The following MGAT5 variants were observed in gnomAD, a reference collection of about 807,000 sequenced individuals.
MGAT5 encodes the protein alpha-1,6-mannosylglycoprotein 6-beta-N-acetylglucosaminyltransferase, also known as alpha-1,6-mannosylglycoprotein 6-beta-N-acetylglucosaminyltransferase A.
In MGAT5, 30 loss-of-function variants were observed where a neutral mutation model predicts 94.3. The ratio of observed to expected loss-of-function variants is 0.32; its 90% CI spans 0.24 to 0.43. The LOEUF (loss-of-function observed/expected upper bound fraction) is 0.43. Among genes scored for constraint, MGAT5 ranks in the 20% least tolerant of loss-of-function variants. The pLI, the probability that MGAT5 is intolerant of heterozygous loss-of-function variation, is 1.00. For missense variants in MGAT5, 691 were observed against 905.5 expected (o/e 0.76, Z 3.04); for synonymous variants, 310 against 322.9 (o/e 0.96, Z 0.43).
rs193279413 is a variant in MGAT5, at chr2:134,177,060, C to A, written c.-143+56769C>A. On this transcript the variant is annotated intron_variant, in intron 1 of 16. Coordinates refer to the MGAT5 transcript ENST00000409645. ...CATGCTGCAGTTATCTCATATACCCCCTCAGCCACCATGACCAGATATCTG... is the reference window on the plus strand; with the variant it reads ...CATGCTGCAGTTATCTCATATACCCACTCAGCCACCATGACCAGATATCTG... 8.8e-4 allele frequency among the ~76,000 whole-genome samples: 129 copies of A among 146,832 alleles called. 2 individuals are homozygous for A. The highest frequency in any genetic ancestry group is 2.8e-4 in the Non-Finnish European group (19 of 67,922).
intron 1 of MGAT5, among the ~76,000 whole-genome samples, chr2:134,134,289 C>G (rs1481411873): frequency 6.6e-6 from 1 of 152,086 alleles, no homozygotes; most frequent in Non-Finnish European, 1.5e-5. Flanking sequence ...AAAGATTCTT[C>G]TGGGTGCTAG....
intron 1 of MGAT5, among the ~76,000 whole-genome samples, chr2:134,185,798 C>T (rs2105196746): frequency 6.6e-6 from 1 of 152,292 alleles, no homozygotes; most frequent in Middle Eastern, 3.4e-3. Flanking sequence ...AAGGAAAAAT[C>T]CAGACCTTGT....
chr2:134,408,426 T>G (rs1683465166), intron 11 of MGAT5, among the ~76,000 whole-genome samples: 1 of 152,186 alleles, frequency 6.6e-6, no homozygotes, highest in South Asian at 2.1e-4. Flanking sequence ...ATGCTGTTGT[T>G]TGTGGTTTGG....
chr2:134,262,753 TG>T (rs1683416796), intron 1 of MGAT5, among the ~76,000 whole-genome samples: 1 of 152,240 alleles, frequency 6.6e-6, no homozygotes, highest in Admixed American at 6.5e-5. Context: ...TACCTGCATC[TG>T]TTACCACCCA....
chr2:134,137,714 G>A (rs551277635), intron 1 of MGAT5, among the ~76,000 whole-genome samples: 11 of 152,052 alleles, frequency 7.2e-5, no homozygotes, highest in Non-Finnish European at 1.2e-4. Flanking sequence ...AAATATTAAC[G>A]CTGAAGCTTG....
At chr2:134,387,339 T>A (rs1443665999) in intron 10 of MGAT5, among the ~76,000 whole-genome samples, 38 of 122,414 alleles carry the variant, frequency 3.1e-4, no homozygotes, top group Non-Finnish European at 5.4e-4. Context: ...TATATTTTTT[T>A]TTTTTTTTTT....
intron 14 of MGAT5, among the ~76,000 whole-genome samples, chr2:134,437,789 C>T (rs1051090602): frequency 3.3e-5 from 5 of 152,072 alleles, no homozygotes; most frequent in African/African-American, 7.2e-5. Context: ...CTGAGGCAAG[C>T]GAATCCCCTG....
At chr2:134,389,043 C>T (rs968674401) in intron 10 of MGAT5, among the ~76,000 whole-genome samples, 3 of 151,896 alleles carry the variant, frequency 2.0e-5, no homozygotes, top group Non-Finnish European at 4.4e-5. Context: ...TTGGCCTCCC[C>T]AAGTGCCTGA....
At chr2:134,154,052 G>A (rs914439868) in intron 1 of MGAT5, among the ~76,000 whole-genome samples, 1 of 152,032 alleles carries the variant, frequency 6.6e-6, no homozygotes, top group Non-Finnish European at 1.5e-5. Flanking sequence ...AAAACAAGAG[G>A]TACTTAATTT....
intron 2 of MGAT5, among the ~76,000 whole-genome samples, chr2:134,314,477 TA>T (rs1348371610): frequency 6.6e-6 from 1 of 152,122 alleles, no homozygotes; most frequent in East Asian, 1.9e-4. Context: ...AGATGGCACT[TA>T]GTGTCTGGAG....
At chr2:134,343,606 C>T (rs866084886) in intron 7 of MGAT5, among the ~76,000 whole-genome samples, 1 of 152,252 alleles carries the variant, frequency 6.6e-6, no homozygotes, top group Middle Eastern at 3.4e-3. Context: ...TAGACCATGC[C>T]ATAGGCTAAT....
chr2:134,319,780 C>G (rs1573790652), intron 4 of MGAT5: 3 of 416,246 alleles, frequency 7.2e-6, no homozygotes. Context: ...CCCAGTGACA[C>G]TTGAGTACAT....
intron 2 of MGAT5, among the ~76,000 whole-genome samples, chr2:134,310,807 G>A (rs1031941256): frequency 6.6e-6 from 1 of 152,210 alleles, no homozygotes; most frequent in Admixed American, 6.5e-5. Context: ...CATCATGGCT[G>A]GCTTCAGTCT....
intron 14 of MGAT5, among the ~76,000 whole-genome samples, chr2:134,434,748 C>T (rs1470174223): frequency 6.6e-6 from 1 of 152,148 alleles, no homozygotes; most frequent in East Asian, 1.9e-4. Context: ...ACCACTTTCC[C>T]CTTCCCTAGA....
Position 134,428,352 on chromosome 2 carries a change from T to A in MGAT5, c.1795-13T>A, listed in dbSNP as rs984945378. On this transcript the variant is annotated splice_polypyrimidine_tract_variant and intron_variant, in intron 13 of 15. Transcript: ENST00000281923. ...GTCCTTCTCCTTCATGGTATCATGC[T>A]CTGTTTCCACAGATTGAGCCATACA... 8.7e-6 allele frequency: 14 copies of A among 1,612,988 alleles called. No homozygotes were observed. The African/African-American group carries it at 1.9e-4, about 22-fold the overall frequency.
At chr2:134,195,298 C>T (rs1358447022) in intron 1 of MGAT5, among the ~76,000 whole-genome samples, 1 of 152,178 alleles carries the variant, frequency 6.6e-6, no homozygotes, top group East Asian at 1.9e-4. Flanking sequence ...TACTCCTTTA[C>T]ATTTTTAACT....
At chr2:134,262,025 GC>G (rs1297987236) in intron 1 of MGAT5, among the ~76,000 whole-genome samples, 1 of 152,206 alleles carries the variant, frequency 6.6e-6, no homozygotes, top group Admixed American at 6.5e-5. Flanking sequence ...TTTCTGTTGG[GC>G]GGATGGAACA....
chr2:134,324,890 A>G (rs1687549421), intron 4 of MGAT5, among the ~76,000 whole-genome samples: 2 of 152,050 alleles, frequency 1.3e-5, no homozygotes, highest in African/African-American at 4.8e-5. Flanking sequence ...AGGAGGTGGC[A>G]GAGATTTATG....
At position 134,270,399 on chromosome 2, in the gene MGAT5, C is replaced by G. The variant is rs374180119; in HGVS notation, c.255C>G (p.Thr85=). The change falls in exon 2 of 16, where the codon ACC becomes ACG. Residue 85 remains threonine (T), a synonymous_variant. Coordinates refer to ENST00000281923, the MANE Select transcript of MGAT5 (RefSeq NM_002410.5). ...TTTCTTTTACAGATCTGAAGAAAACCCTTGCTGTGTTATTAGATAACATTT... is the reference window on the plus strand; with the variant it reads ...TTTCTTTTACAGATCTGAAGAAAACGCTTGCTGTGTTATTAGATAACATTT... ...GVMTAYDLKK[T]LAVLLDNILQ... 3.7e-6 allele frequency: 6 copies of G among 1,613,818 alleles called. No individual in the cohort carries two copies. Among genetic ancestry groups the G allele is most frequent in the Non-Finnish European group, 4.2e-6 (5 of 1,179,848 alleles).
Sources: allele counts gnomAD v4.1 joint callset (sites outside exome capture counted in the v4.1 genomes callset), GRCh38; gene constraint gnomAD v4.1.1; transcripts MANE v1.5; gene names NCBI Gene and HGNC (gene_info 2026-07-23, HGNC 2026-07-21).